Variants in WDPCP observed in about 807,000 individuals in gnomAD.
WDPCP encodes WD repeat containing planar cell polarity effector, also known as WD repeat-containing and planar cell polarity effector protein fritz homolog.
Under a neutral mutation model 93.1 loss-of-function variants are expected in WDPCP, and 71 were observed. The ratio of observed to expected loss-of-function variants is 0.76; its 90% CI spans 0.63 to 0.93. WDPCP has a LOEUF of 0.93. WDPCP is among the 40% of genes least tolerant of loss of function. WDPCP has a pLI of 0.00. For missense variants in WDPCP, 844 were observed against 887.4 expected, an observed-to-expected ratio of 0.95 and a Z score of 0.62; for synonymous variants, 315 against 315.0, an observed-to-expected ratio of 1.00 and a Z score of 0.00.
chr2:63,282,331 C>A (rs997687649), intron 13 of WDPCP, among the ~76,000 whole-genome samples: 3 of 152,092 alleles, frequency 2.0e-5, no homozygotes, highest in Admixed American at 6.5e-5. Context: ...ATGGTGAAAC[C>A]CTGTCTCTAC....
chr2:63,421,180 T>C (rs1351439204), intron 9 of WDPCP, among the ~76,000 whole-genome samples: 1 of 152,174 alleles, frequency 6.6e-6, no homozygotes, highest in African/African-American at 2.4e-5. Context: ...TTCAATGAAA[T>C]CTGTCATTTG....
chr2:63,609,182 C>T (rs1709588176), intron 3 of WDPCP, among the ~76,000 whole-genome samples: 1 of 152,082 alleles, frequency 6.6e-6, no homozygotes, highest in Non-Finnish European at 1.5e-5. Context: ...GCCTGGCCAA[C>T]ATGGTGAAAC....
At chr2:63,729,043 T>C (rs1197472914) in intron 2 of WDPCP, among the ~76,000 whole-genome samples, 2 of 152,198 alleles carry the variant, frequency 1.3e-5, no homozygotes, top group South Asian at 2.1e-4. Context: ...CTCCACGTTA[T>C]CCACACTCAT....
At chr2:63,397,276 G>A (rs866290395) in intron 10 of WDPCP, among the ~76,000 whole-genome samples, 6 of 152,246 alleles carry the variant, frequency 3.9e-5, no homozygotes, top group Middle Eastern at 3.4e-3. Flanking sequence ...ATTCTAGAAC[G>A]ACTTTTGACT....
chr2:63,364,640 T>G (rs6704998), intron 12 of WDPCP, among the ~76,000 whole-genome samples: 27,622 of 152,178 alleles, frequency 0.18, 2,662 homozygotes, highest in Middle Eastern at 0.24. Context: ...ATGTCTGTAG[T>G]GTTTTGTATG....
At chr2:63,557,605 C>T (rs997306322) in intron 1 of WDPCP, among the ~76,000 whole-genome samples, 5 of 151,766 alleles carry the variant, frequency 3.3e-5, no homozygotes, top group African/African-American at 7.3e-5. Context: ...AGAAAATTAA[C>T]GAGGATATTC....
At chr2:63,796,195 G>C (rs1417525185) in intron 2 of WDPCP, among the ~76,000 whole-genome samples, 1 of 152,194 alleles carries the variant, frequency 6.6e-6, no homozygotes, top group East Asian at 1.9e-4. Context: ...AACATGAGGA[G>C]AGCCTTATAC....
At chr2:63,763,277 G>A (rs1575767251) in intron 2 of WDPCP, among the ~76,000 whole-genome samples, 1 of 152,062 alleles carries the variant, frequency 6.6e-6, no homozygotes, top group East Asian at 1.9e-4. Flanking sequence ...GCTGAGGAGG[G>A]TGGATCACTT....
intron 14 of WDPCP, 102 bp from the exon 15 acceptor site, chr2:63,174,934 C>G: frequency 7.6e-7 from 1 of 1,310,642 alleles, no homozygotes; most frequent in Non-Finnish European, 1.1e-6. Context: ...CCCAGTGGAA[C>G]TTTTTTCTTT....
chr2:63,226,275 A>G (rs912295694), intron 14 of WDPCP, among the ~76,000 whole-genome samples: 2 of 151,936 alleles, frequency 1.3e-5, no homozygotes, highest in Admixed American at 6.6e-5. Context: ...ACTCTAACCC[A>G]GAGAAACCTA....
chr2:63,588,265 G>C lies in WDPCP; in HGVS notation c.7C>G (p.Arg3Gly). The change falls in exon 1 of 18, where the codon CGA (arginine) becomes GGA (glycine). Residue 3 changes from arginine (R) to glycine (G), a missense_variant. Physicochemically the swap from Arg to Gly is moderately radical, Grantham distance 125. Coordinates refer to ENST00000272321, the MANE Select transcript of WDPCP (RefSeq NM_015910.7). MR[R>G]EFCWDAYSKA... ...GAGTAGGCGTCCCAGCAAAACTCTC[G>C]CCTCATCACCAGACACTACCCCGGG... 1 of 1,574,404 alleles carries C rather than the reference G, an allele frequency of 6.4e-7. No homozygotes were observed. The highest frequency in any genetic ancestry group is 8.6e-7 in the Non-Finnish European group (1 of 1,157,456).
At chr2:63,605,053 T>C (rs1709501030) in intron 3 of WDPCP, among the ~76,000 whole-genome samples, 1 of 152,218 alleles carries the variant, frequency 6.6e-6, no homozygotes, top group Non-Finnish European at 1.5e-5. Flanking sequence ...TTGAGATTTA[T>C]ACCAAGATCC....
Position 63,378,370 on chromosome 2 carries a change from C to T in WDPCP, c.1748+16G>A, listed in dbSNP as rs1338107830. 3 of 1,612,604 alleles carry T rather than the reference C, an allele frequency of 1.9e-6. No homozygotes were observed. The highest frequency in any genetic ancestry group is 8.5e-7 in the Non-Finnish European group (1 of 1,179,154). The stretch of plus-strand genomic sequence containing the variant: ...GTAATTAGTCTGACGCTAATCAATC[C>T]AAACATATCATTCACCTGAGCAAGT... On this transcript the variant is annotated intron_variant, in intron 12 of 17. Transcript: ENST00000272321.
intron 2 of WDPCP, among the ~76,000 whole-genome samples, chr2:63,668,134 G>A (rs1219368516): frequency 6.6e-6 from 1 of 152,188 alleles, no homozygotes; most frequent in Non-Finnish European, 1.5e-5. Flanking sequence ...CTATACGGCA[G>A]AACAGGACAC....
intron 12 of WDPCP, among the ~76,000 whole-genome samples, chr2:63,344,944 A>C (rs1689092452): frequency 6.6e-6 from 1 of 152,166 alleles, no homozygotes; most frequent in Admixed American, 6.5e-5. Flanking sequence ...CTTTCTAACC[A>C]AAATTTAGCA....
chr2:63,244,134 T>C (rs1447494288), intron 14 of WDPCP, among the ~76,000 whole-genome samples: 2 of 152,236 alleles, frequency 1.3e-5, no homozygotes, highest in South Asian at 4.1e-4. Context: ...TGAATTATTT[T>C]GGGCATTAAG....
chr2:63,261,498 A>G (rs191125935), intron 13 of WDPCP, among the ~76,000 whole-genome samples: 6 of 152,298 alleles, frequency 3.9e-5, no homozygotes, highest in Admixed American at 3.9e-4. Flanking sequence ...TATATGTGGA[A>G]AGACATTTTC....
chr2:63,397,721 T>C (rs1254667676), intron 10 of WDPCP, among the ~76,000 whole-genome samples: 1 of 152,104 alleles, frequency 6.6e-6, no homozygotes, highest in African/African-American at 2.4e-5. Context: ...CATGTATTTA[T>C]CAAGTAGGAA....
chr2:63,172,997 C>T (rs184458693), intron 15 of WDPCP, among the ~76,000 whole-genome samples: 7 of 152,114 alleles, frequency 4.6e-5, no homozygotes, highest in African/African-American at 1.7e-4. Flanking sequence ...TGTGGTTGCT[C>T]ATGCCTGTAA....
Sources: allele counts gnomAD v4.1 joint callset (sites outside exome capture counted in the v4.1 genomes callset), GRCh38; gene constraint gnomAD v4.1.1; transcripts MANE v1.5; gene names NCBI Gene and HGNC (gene_info 2026-07-23, HGNC 2026-07-21).